The following MICU2 variants were observed in gnomAD, a reference collection of about 807,000 sequenced individuals.
MICU2 encodes mitochondrial calcium uptake 2.
In MICU2, 64 loss-of-function variants were observed where a neutral mutation model predicts 60.4. That is an observed-to-expected ratio of 1.06 (90% CI 0.87 to 1.31). The LOEUF is 1.31. Among genes scored for constraint, MICU2 ranks in the 50% most tolerant of loss-of-function variants. MICU2 has a pLI of 0.00. For synonymous variants in MICU2, 201 were observed against 175.0 expected, an observed-to-expected ratio of 1.15 and a Z score of -1.17; for missense variants, 569 against 531.0, an observed-to-expected ratio of 1.07 and a Z score of -0.70.
At chr13:21,515,415 A>G (rs1015697172) in intron 6 of MICU2, 2 of 272,330 alleles carry the variant, frequency 7.3e-6, no homozygotes, top group South Asian at 3.6e-5. Context: ...TATCATACAC[A>G]TAGTCTTCCT....
At chr13:21,581,822 TCAC>T (rs1356011846) in intron 1 of MICU2, among the ~76,000 whole-genome samples, 1 of 152,146 alleles carries the variant, frequency 6.6e-6, no homozygotes, top group Non-Finnish European at 1.5e-5. Flanking sequence ...TCTAAAAATG[TCAC>T]CAGCTAAAGC....
intron 1 of MICU2, among the ~76,000 whole-genome samples, chr13:21,586,417 GT>G (rs986959562): frequency 6.6e-6 from 1 of 151,918 alleles, no homozygotes; most frequent in Non-Finnish European, 1.5e-5. Flanking sequence ...TTTTTTGTTT[GT>G]TTTTTTAAAG....
At chr13:21,555,941 T>G (rs1382529316) in intron 2 of MICU2, among the ~76,000 whole-genome samples, 2 of 152,210 alleles carry the variant, frequency 1.3e-5, no homozygotes, top group Admixed American at 6.5e-5. Flanking sequence ...TTCCCTCTTG[T>G]CTTCACAAGG....
intron 6 of MICU2, chr13:21,515,595 T>C: frequency 4.6e-6 from 2 of 434,956 alleles, no homozygotes; most frequent in Non-Finnish European, 9.3e-6. Flanking sequence ...AAAGAAAGCA[T>C]TTTAAAAGAA....
chr13:21,495,070 T>C, intron 11 of MICU2, 91 bp downstream of exon 11: 1 of 859,418 alleles, frequency 1.2e-6, no homozygotes, highest in South Asian at 3.4e-5. Flanking sequence ...TGATGAAAAC[T>C]CCATTTAAAG....
At chr13:21,513,695 G>A (rs1380132088) in intron 7 of MICU2, among the ~76,000 whole-genome samples, 3 of 119,854 alleles carry the variant, frequency 2.5e-5, no homozygotes, top group Non-Finnish European at 4.8e-5. Flanking sequence ...AGCTGAGATC[G>A]CGCCACTGCA....
At chr13:21,538,796 T>C (rs1005947578) in intron 4 of MICU2, among the ~76,000 whole-genome samples, 4 of 152,144 alleles carry the variant, frequency 2.6e-5, no homozygotes, top group Non-Finnish European at 5.9e-5. Context: ...CTGGAATCAA[T>C]ACCCCATAGA....
chr13:21,494,186 T>G (rs185767047), intron 11 of MICU2, among the ~76,000 whole-genome samples: 248 of 152,332 alleles, frequency 1.6e-3, no homozygotes, highest in African/African-American at 5.7e-3. Flanking sequence ...ATGAAAATAA[T>G]ATTTATTTTT....
chr13:21,530,725 C>G, intron 4 of MICU2: 1 of 471,906 alleles, frequency 2.1e-6, no homozygotes, highest in Non-Finnish European at 3.8e-6. Flanking sequence ...CACAAGGTGG[C>G]GAGCCCAGAC....
chr13:21,603,893 G>C (rs764999716), intron 1 of MICU2, 46 bp downstream of exon 1: 3 of 1,598,568 alleles, frequency 1.9e-6, no homozygotes, highest in Non-Finnish European at 1.7e-6. Context: ...GGCGTCAGGG[G>C]AGGGAGGAGC....
chr13:21,512,448 T>TC (rs928236357), intron 7 of MICU2, among the ~76,000 whole-genome samples: 6 of 145,258 alleles, frequency 4.1e-5, no homozygotes, highest in Non-Finnish European at 9.0e-5. Context: ...ATTTTTAATT[T>TC]TTTTTTTTTT....
intron 2 of MICU2, among the ~76,000 whole-genome samples, chr13:21,562,980 C>T (rs1444894894): frequency 1.3e-5 from 2 of 152,054 alleles, no homozygotes; most frequent in Non-Finnish European, 2.9e-5. Flanking sequence ...TTCTTTTTCA[C>T]TTTTGAAGGA....
Position 21,566,890 on chromosome 13 carries a change from G to A in MICU2, c.265C>T (p.Arg89Cys), listed in dbSNP as rs1306767706. Residue 89 changes from arginine to cysteine, a missense_variant, in exon 2 of 12, where the codon CGC (arginine) becomes TGC (cysteine). By Grantham distance (180) the Arg-to-Cys change is radical. Transcript: ENST00000382374. ...YIGKPSLRKQ[R>C]FMQFSSLEHE... The stretch of plus-strand genomic sequence containing the variant: ...TCGAGTGAAGAAAACTGCATGAAGC[G>A]CTGCTTACGAAGAGACGGTTTCCCA... 9 of 1,612,246 alleles carry A rather than the reference G, an allele frequency of 5.6e-6. No individual in the cohort carries two copies. Among genetic ancestry groups the A allele is most frequent in the African/African-American group, 2.7e-5 (2 of 74,726 alleles).
chr13:21,587,566 G>A (rs562364626), intron 1 of MICU2, among the ~76,000 whole-genome samples: 1 of 152,304 alleles, frequency 6.6e-6, no homozygotes, highest in South Asian at 2.1e-4. Context: ...CTCAATGATA[G>A]GTGAAAATGC....
At chr13:21,511,863 G>C (rs563678699) in intron 7 of MICU2, among the ~76,000 whole-genome samples, 49 of 150,174 alleles carry the variant, frequency 3.3e-4, no homozygotes, top group Non-Finnish European at 5.2e-4. Context: ...TCAGGTTGTC[G>C]TATCTTTTGC....
intron 1 of MICU2, among the ~76,000 whole-genome samples, chr13:21,580,396 A>G (rs1269397342): frequency 6.6e-6 from 1 of 152,204 alleles, no homozygotes; most frequent in Non-Finnish European, 1.5e-5. Context: ...CAGAGCTAGC[A>G]TTTGGGTAAT....
chr13:21,538,897 C>A (rs1887204631), intron 4 of MICU2, among the ~76,000 whole-genome samples: 2 of 152,212 alleles, frequency 1.3e-5, no homozygotes, highest in South Asian at 4.1e-4. Context: ...CACTCAACTC[C>A]CTACATTTAC....
chr13:21,562,801 G>A (rs565611357), intron 2 of MICU2, among the ~76,000 whole-genome samples: 1 of 152,146 alleles, frequency 6.6e-6, no homozygotes, highest in South Asian at 2.1e-4. Flanking sequence ...TTTTAAAAAC[G>A]TGATTTTATA....
At chr13:21,513,145 C>T (rs536919536) in intron 7 of MICU2, among the ~76,000 whole-genome samples, 17 of 150,814 alleles carry the variant, frequency 1.1e-4, no homozygotes, top group Non-Finnish European at 2.4e-4. Flanking sequence ...TTTTTTTTTG[C>T]AGATTTCCTG....
Sources: allele counts gnomAD v4.1 joint callset (sites outside exome capture counted in the v4.1 genomes callset), GRCh38; gene constraint gnomAD v4.1.1; transcripts MANE v1.5; gene names NCBI Gene and HGNC (gene_info 2026-07-23, HGNC 2026-07-21).